TNRC6C: variants seen among roughly 807,000 people sequenced by gnomAD.
TNRC6C encodes the protein trinucleotide repeat-containing gene 6C protein.
A neutral mutation model predicts 153.7 loss-of-function variants in TNRC6C; 20 were observed. The ratio of observed to expected loss-of-function variants is 0.13; its 90% CI spans 0.09 to 0.19. The LOEUF is 0.19. Among genes scored for constraint, TNRC6C ranks in the 10% least tolerant of loss-of-function variants. The pLI, the probability that TNRC6C is intolerant of heterozygous loss-of-function variation, is 1.00. For missense variants in TNRC6C, 1,987 were observed against 2,172.0 expected, an observed-to-expected ratio of 0.91 and a Z score of 1.69; for synonymous variants, 811 against 841.4, an observed-to-expected ratio of 0.96 and a Z score of 0.63.
intron 1 of TNRC6C, among the ~76,000 whole-genome samples, chr17:78,007,085 C>T (rs761244815): frequency 7.3e-5 from 11 of 151,388 alleles, no homozygotes; most frequent in Non-Finnish European, 1.6e-4. Context: ...TCAAATGATT[C>T]CCCCCCACCT....
At chr17:77,960,800 G>T (rs764093150) in intron 1 of TNRC6C, among the ~76,000 whole-genome samples, 5 of 152,092 alleles carry the variant, frequency 3.3e-5, no homozygotes, top group African/African-American at 1.2e-4. Flanking sequence ...TGCAAAACAG[G>T]GTTTTTAAAA....
rs376624363 is a variant in TNRC6C, at chr17:78,071,067, T to A, written c.2779-18T>A. On this transcript the variant is annotated intron_variant, in intron 5 of 19. Coordinates refer to ENST00000301624, the Ensembl canonical transcript of TNRC6C. Reference sequence around the variant, plus strand: ...AATGTAGCTCATGGACTTCCCCCTTTCCCACACTTTGTTCAAGGGCATGAA... The same window carrying A: ...AATGTAGCTCATGGACTTCCCCCTTACCCACACTTTGTTCAAGGGCATGAA... The A allele has an allele frequency of 6.3e-7, 1 of 1,589,146 alleles. No individual in the cohort carries two copies. The highest frequency in any genetic ancestry group is 1.3e-5 in the African/African-American group (1 of 74,402).
intron 2 of TNRC6C, among the ~76,000 whole-genome samples, chr17:78,036,750 C>T (rs2072187712): frequency 6.6e-6 from 1 of 151,668 alleles, no homozygotes; most frequent in Non-Finnish European, 1.5e-5. Flanking sequence ...ATAGCGAAAC[C>T]CCATCTCTAC....
rs115263506 is a variant in TNRC6C, at chr17:78,006,690, C to T, written c.-546+1611C>T. On this transcript the variant is annotated intron_variant, in intron 1 of 19. Coordinates refer to ENST00000301624, the Ensembl canonical transcript of TNRC6C. The stretch of plus-strand genomic sequence containing the variant: ...CCAGCTATATTCTTCATCATTGTCA[C>T]TGTTTTCTACTCAAGTAGTAACAAA... 3.1e-3 allele frequency among the ~76,000 whole-genome samples: 464 copies of T among 151,670 alleles called. 6 individuals are homozygous for T. The highest frequency in any genetic ancestry group is 0.01 in the Middle Eastern group (3 of 294).
intron 11 of TNRC6C, among the ~76,000 whole-genome samples, chr17:78,086,264 A>G (rs187594106): frequency 1.4e-5 from 2 of 138,940 alleles, no homozygotes; most frequent in African/African-American, 5.4e-5. Flanking sequence ...CGGGAGGCAG[A>G]GGTGGCAGTG....
chr17:78,103,277 C>T lies in TNRC6C; in HGVS notation c.4573-137C>T, dbSNP rs140250007. ...GATATAAAACGTTAATGTTGTAAAA[C>T]CACATATTATTAGGCCTTTTAAAGA... On this transcript the variant is annotated intron_variant, in intron 18 of 19. Coordinates refer to ENST00000301624, the Ensembl canonical transcript of TNRC6C. The T allele has an allele frequency of 7.7e-6, 8 of 1,037,768 alleles. No individual in the cohort carries two copies. The African/African-American group carries it at 1.3e-4, about 17-fold the overall frequency. The allele number at this position is 1,037,768 out of a possible 1,614,324, so 64.3% of individuals were successfully genotyped here.
chr17:78,087,131 G>GA (rs1274504639), intron 13 of TNRC6C, 38 bp downstream of exon 15: 1 of 1,604,568 alleles, frequency 6.2e-7, no homozygotes, highest in South Asian at 1.1e-5. Flanking sequence ...ACATCAGGTA[G>GA]AGAGGGTACC....
At chr17:78,076,634 G>C (rs553939860) in intron 8 of TNRC6C, among the ~76,000 whole-genome samples, 1 of 152,286 alleles carries the variant, frequency 6.6e-6, no homozygotes, top group South Asian at 2.1e-4. Flanking sequence ...TGCACAGGCT[G>C]GTTGTGATGT....
intron 1 of TNRC6C, among the ~76,000 whole-genome samples, chr17:78,025,155 A>G (rs1021140178): frequency 1.3e-5 from 2 of 152,160 alleles, no homozygotes; most frequent in Admixed American, 6.5e-5. Context: ...TTATATATCT[A>G]TGGGTTTTGA....
intron 1 of TNRC6C, among the ~76,000 whole-genome samples, chr17:77,959,719 C>T (rs1216767065): frequency 1.3e-5 from 2 of 152,016 alleles, no homozygotes; most frequent in African/African-American, 2.4e-5. Context: ...GAGAAGGACC[C>T]CTGGGCGCTC....
chr17:78,047,968 C>A (rs1459854232), intron 2 of TNRC6C, among the ~76,000 whole-genome samples: 1 of 151,834 alleles, frequency 6.6e-6, no homozygotes, highest in Non-Finnish European at 1.5e-5. Flanking sequence ...TTAAAAGGAC[C>A]CGAAGAGTTA....
intron 3 of TNRC6C, among the ~76,000 whole-genome samples, chr17:78,063,676 T>A (rs939395338): frequency 3.3e-5 from 5 of 152,196 alleles, no homozygotes; most frequent in Non-Finnish European, 5.9e-5. Flanking sequence ...ACCTCAGATC[T>A]CTCTCAGCTT....
chr17:77,979,330 C>A (rs925819533), intron 1 of TNRC6C, among the ~76,000 whole-genome samples: 2 of 152,132 alleles, frequency 1.3e-5, no homozygotes, highest in Non-Finnish European at 2.9e-5. Context: ...TTGATCCTTA[C>A]AAATCATATG....
chr17:78,071,229 T>C (rs906652374), intron 6 of TNRC6C, 64 bp downstream of exon 8: 17 of 1,482,232 alleles, frequency 1.1e-5, no homozygotes, highest in Admixed American at 9.8e-5. Flanking sequence ...CCTCATTGTT[T>C]CCTCTCCATG....
intron 3 of TNRC6C, among the ~76,000 whole-genome samples, chr17:78,052,086 G>A (rs1360592946): frequency 6.6e-6 from 1 of 152,232 alleles, no homozygotes; most frequent in Non-Finnish European, 1.5e-5. Flanking sequence ...GCAGGACAAG[G>A]GCACTTCATC....
At chr17:78,045,420 A>G (rs1326353576) in intron 2 of TNRC6C, among the ~76,000 whole-genome samples, 2 of 151,902 alleles carry the variant, frequency 1.3e-5, no homozygotes, top group African/African-American at 4.8e-5. Context: ...GTATTGCCCC[A>G]TTGGTGGTTA....
chr17:78,087,280 A>AT (rs1261335675), intron 13 of TNRC6C, among the ~76,000 whole-genome samples, 187 bp downstream of exon 15: 1 of 152,068 alleles, frequency 6.6e-6, no homozygotes, highest in Non-Finnish European at 1.5e-5. Flanking sequence ...TTTTAAAAAA[A>AT]TTTTTTAATT....
chr17:78,051,596 T>G, intron 3 of TNRC6C, 148 bp downstream of exon 5: 9 of 870,176 alleles, frequency 1.0e-5, no homozygotes, highest in South Asian at 4.0e-5. Flanking sequence ...TGCAATATTG[T>G]ATCTAAAGAT....
chr17:77,983,675 C>T (rs1442957387), intron 1 of TNRC6C, among the ~76,000 whole-genome samples: 2 of 152,174 alleles, frequency 1.3e-5, no homozygotes, highest in African/African-American at 4.8e-5. Flanking sequence ...GGACACCATC[C>T]ATGCGTTCAT....
Sources: gnomAD v4.1 joint callset for allele counts (sites outside exome capture counted in the v4.1 genomes callset) on GRCh38, gnomAD v4.1.1 for gene constraint, MANE v1.5 for transcripts, NCBI Gene and HGNC (gene_info 2026-07-23, HGNC 2026-07-21) for gene names.